The following PI4KA variants were observed in gnomAD, a reference collection of about 807,000 sequenced individuals.
PI4KA encodes PI4-kinase alpha.
A neutral mutation model predicts 271.4 loss-of-function variants in PI4KA; 122 were observed. The ratio of observed to expected loss-of-function variants is 0.45; its 90% CI spans 0.39 to 0.52. The LOEUF (loss-of-function observed/expected upper bound fraction) is 0.52. Ranked by LOEUF, PI4KA falls within the 20% of genes least tolerant of loss-of-function variation. The pLI is 0.00. For missense variants in PI4KA, 1,969 were observed against 2,769.1 expected (o/e 0.71, Z 6.48); for synonymous variants, 1,041 against 1,078.8 (o/e 0.96, Z 0.69).
chr22:20,807,435 G>A lies in PI4KA; in HGVS notation c.1095C>T (p.Tyr365=). Residue 365 remains tyrosine, a synonymous_variant, in exon 10 of 55, where the codon TAC becomes TAT. Coordinates refer to ENST00000255882, the MANE Select transcript of PI4KA (RefSeq NM_058004.4). ...VMEANPSADL[Y]YTSFSDPLYL... ...AGAGAGGGTCACTGAAGGAAGTGTAGTAGAGATCAGCACTGGGGTTGGCCT... is the reference window on the plus strand; with the variant it reads ...AGAGAGGGTCACTGAAGGAAGTGTAATAGAGATCAGCACTGGGGTTGGCCT... 6.2e-7 allele frequency: 1 copy of A among 1,612,538 alleles called. No homozygotes were observed.
At chr22:20,714,340 G>C in intron 47 of PI4KA, 118 bp downstream of exon 47, 1 of 1,499,470 alleles carries the variant, frequency 6.7e-7, no homozygotes, top group Non-Finnish European at 8.9e-7. Flanking sequence ...AGGGCAGACA[G>C]ATGGACAGAC....
chr22:20,724,964 G>T (rs372107340), intron 42 of PI4KA, among the ~76,000 whole-genome samples: 3 of 152,352 alleles, frequency 2.0e-5, no homozygotes, highest in South Asian at 4.1e-4. Context: ...GGTGAGTGTG[G>T]CTCCACACAT....
intron 39 of PI4KA, among the ~76,000 whole-genome samples, chr22:20,728,226 G>T (rs746936882): frequency 4.6e-5 from 7 of 151,842 alleles, no homozygotes; most frequent in Admixed American, 3.9e-4. Context: ...CATAAATACA[G>T]ACATCTACTA....
intron 18 of PI4KA, among the ~76,000 whole-genome samples, chr22:20,795,820 A>C (rs1261646992): frequency 6.6e-6 from 1 of 152,136 alleles, no homozygotes; most frequent in Non-Finnish European, 1.5e-5. Flanking sequence ...AGGCCCAGCT[A>C]CCACCCCTGG....
intron 19 of PI4KA, among the ~76,000 whole-genome samples, chr22:20,791,729 A>G (rs1934657900): frequency 6.6e-6 from 1 of 152,092 alleles, no homozygotes; most frequent in Non-Finnish European, 1.5e-5. Context: ...CTGCACTCCA[A>G]TCTAGGTGCC....
chr22:20,729,718 G>A lies in PI4KA; in HGVS notation c.4409-7C>T, dbSNP rs1257639106. ...TTGGTTTTCTTAGACATGCCTAGGA[G>A]GAAAGACAAAGCACAGGTGTAGTCC... On this transcript the variant is annotated splice_polypyrimidine_tract_variant and splice_region_variant and intron_variant, in intron 37 of 54. Transcript: ENST00000255882. 3 of 1,592,128 alleles carry A rather than the reference G, an allele frequency of 1.9e-6. No homozygotes were observed. The highest frequency in any genetic ancestry group is 1.7e-6 in the Non-Finnish European group (2 of 1,167,432).
rs772115218 is a variant in PI4KA at position 20,799,126 on chromosome 22, A to G, written c.1971T>C (p.Ile657=). 11 of 1,613,638 alleles carry G rather than the reference A, an allele frequency of 6.8e-6. 1 individual carries two copies. In the South Asian group the frequency reaches 1.2e-4, roughly 18 times the overall value. The stretch of plus-strand genomic sequence containing the variant: ...TGATAACCAGGCAGCCCAGCTGGTC[A>G]ATAATCAGCACATCGAGGGGGGAGG... ...QPPSPLDVLI[I]DQLGCLVITG... The change falls in exon 16 of 55, where the codon ATT becomes ATC. Residue 657 remains isoleucine (I), a synonymous_variant. Coordinates refer to ENST00000255882, the MANE Select transcript of PI4KA (RefSeq NM_058004.4).
At chr22:20,751,941 T>C (rs1322585312) in intron 25 of PI4KA, among the ~76,000 whole-genome samples, 186 bp from the exon 26 acceptor site, 1 of 152,142 alleles carries the variant, frequency 6.6e-6, no homozygotes, top group East Asian at 1.9e-4. Flanking sequence ...GAGCAACGCC[T>C]GGTCAGAAAG....
rs142570725 is a variant in PI4KA at position 20,801,794 on chromosome 22, G to C, written c.1724+179C>G. Among the ~76,000 whole-genome samples the C allele has an allele frequency of 2.9e-3, 447 of 152,272 alleles. 1 individual carries two copies. The highest frequency in any genetic ancestry group is 0.01 in the African/African-American group (429 of 41,540). On this transcript the variant is annotated intron_variant, in intron 14 of 54. Coordinates refer to ENST00000255882, the MANE Select transcript of PI4KA (RefSeq NM_058004.4). ...AGCTACTCGGGGGAGGCTGAGGCAGGAAAATAGCTTGAACCCAGGAGGCAG... is the reference window on the plus strand; with the variant it reads ...AGCTACTCGGGGGAGGCTGAGGCAGCAAAATAGCTTGAACCCAGGAGGCAG...
chr22:20,714,677 C>T lies in PI4KA; in HGVS notation c.5341G>A (p.Glu1781Lys), dbSNP rs766513874. 1 of 1,613,862 alleles carries T rather than the reference C, an allele frequency of 6.2e-7. No individual in the cohort carries two copies. Among genetic ancestry groups the T allele is most frequent in the Non-Finnish European group, 8.5e-7 (1 of 1,179,868 alleles). ...TAGTCGATGTCCAGCACAATGGCCT[C>T]AGGGTTGCTGGGCAGGTAGCAGCCT... Reference protein sequence around the residue: ...QPGCYLPSNPEAIVLDIDYKS... With the variant: ...QPGCYLPSNPKAIVLDIDYKS... Residue 1781 changes from glutamate (E) to lysine (K), a missense_variant, in exon 46 of 55, where the codon GAG becomes AAG. Physicochemically the swap from Glu to Lys is moderately conservative, Grantham distance 56. This residue lies in a region of PI4KA where 388 missense variants were observed against 521.5 expected (regional missense o/e 0.74). Coordinates refer to ENST00000255882, the MANE Select transcript of PI4KA (RefSeq NM_058004.4).
chr22:20,784,290 G>A (rs753745316), intron 19 of PI4KA: 4 of 1,612,168 alleles, frequency 2.5e-6, no homozygotes, highest in East Asian at 2.2e-5. Flanking sequence ...CCAGATGCTG[G>A]GGGTGTCTGG....
rs1927981622 is a variant in PI4KA at position 20,858,680 on chromosome 22, C to G, written c.46G>C (p.Gly16Arg). The G allele has an allele frequency of 1.4e-6, 2 of 1,452,170 alleles. No homozygotes were observed. The highest frequency in any genetic ancestry group is 1.8e-6 in the Non-Finnish European group (2 of 1,106,522). 90.0% of individuals were successfully genotyped at this position (1,452,170 alleles called of 1,614,324 possible). ...GAGCCGGAGCCGGAGCAGCCGCCGC[C>G]GCCTCCGCCTCCGCCTCCGCCTCCC... ...ARGGGGGGGGGGGCSGSGSSA... is the reference protein window; with the variant it reads ...ARGGGGGGGGRGGCSGSGSSA... Residue 16 changes from glycine to arginine, a missense_variant, in exon 1 of 55, where the codon GGC (glycine) becomes CGC (arginine). Gly to Arg is a moderately radical substitution (Grantham distance 125). Around this residue, in one of 13 missense-constraint regions of PI4KA, gnomAD observed 540 missense variants for 555.5 expected, o/e 0.97. Transcript: ENST00000255882.
intron 1 of PI4KA, among the ~76,000 whole-genome samples, chr22:20,857,213 C>T (rs1927706855): frequency 6.6e-6 from 1 of 152,208 alleles, no homozygotes; most frequent in Admixed American, 6.5e-5. Context: ...TCTAGAGTCA[C>T]ACTAGTGAAA....
At chr22:20,776,576 A>C (rs1933301177) in intron 19 of PI4KA, among the ~76,000 whole-genome samples, 1 of 152,206 alleles carries the variant, frequency 6.6e-6, no homozygotes, top group Admixed American at 6.5e-5. Flanking sequence ...TGGGACTGGC[A>C]CTGGGAAAAC....
chr22:20,836,089 A>AAAACAAAACAAAAC (rs1569087368), intron 2 of PI4KA, among the ~76,000 whole-genome samples: 37 of 95,228 alleles, frequency 3.9e-4, no homozygotes, highest in African/African-American at 1.5e-3. Context: ...CAAAACAAAA[A>AAAACAAAACAAAAC]ACAACAAAAA....
chr22:20,803,301 T>C lies in PI4KA; in HGVS notation c.1481A>G (p.Glu494Gly), dbSNP rs1173412172. 2 of 1,614,092 alleles carry C rather than the reference T, an allele frequency of 1.2e-6. No homozygotes were observed. Among genetic ancestry groups the C allele is most frequent in the African/African-American group, 1.3e-5 (1 of 75,032 alleles). The change falls in exon 13 of 55, where the codon GAG (glutamate) becomes GGG (glycine). Residue 494 changes from glutamate to glycine, a missense_variant. By Grantham distance (98) the Glu-to-Gly change is moderately conservative. Coordinates refer to ENST00000255882, the MANE Select transcript of PI4KA (RefSeq NM_058004.4). ...CCLQGLGRLC[E>G]RFPVVVHSVT... Reference sequence around the variant, plus strand: ...AGAGTGCACCACCACCGGGAACCTCTCGCACAGGCGGCCCAAACCCTGCAA... The same window carrying C: ...AGAGTGCACCACCACCGGGAACCTCCCGCACAGGCGGCCCAAACCCTGCAA...
chr22:20,825,596 C>G (rs1399038087), intron 3 of PI4KA, among the ~76,000 whole-genome samples: 1 of 151,224 alleles, frequency 6.6e-6, no homozygotes, highest in Non-Finnish European at 1.5e-5. Context: ...GAGACTGTCT[C>G]AAAAAAACAA....
chr22:20,775,681 G>A (rs1297833840), intron 19 of PI4KA, among the ~76,000 whole-genome samples: 3 of 152,108 alleles, frequency 2.0e-5, no homozygotes, highest in Non-Finnish European at 4.4e-5. Context: ...ATAGAGATGA[G>A]GTCTTGCTAT....
At chr22:20,791,718 A>G (rs933595281) in intron 19 of PI4KA, among the ~76,000 whole-genome samples, 10 of 152,160 alleles carry the variant, frequency 6.6e-5, no homozygotes, top group African/African-American at 2.4e-4. Context: ...ATACTCTGCC[A>G]CTGCACTCCA....
Sources: gnomAD v4.1 joint callset for allele counts (sites outside exome capture counted in the v4.1 genomes callset) on GRCh38, gnomAD v4.1.1 for gene constraint, gnomAD v4.1.1 regional missense constraint, MANE v1.5 for transcripts, NCBI Gene and HGNC (gene_info 2026-07-23, HGNC 2026-07-21) for gene names.